The following APTX variants were observed in gnomAD, a reference collection of about 807,000 sequenced individuals.
APTX encodes forkhead-associated domain histidine triad-like protein.
Under a neutral mutation model 42.3 loss-of-function variants are expected in APTX, and 33 were observed. The observed-to-expected ratio is 0.78, with a 90% CI of 0.59 to 1.04. The LOEUF is 1.04. Ranked by LOEUF, APTX falls within the 50% of genes least tolerant of loss-of-function variation. The probability of loss-of-function intolerance (pLI) is 0.00; values close to 1 mark genes in which losing one functional copy is unlikely to be tolerated. For missense variants in APTX, 421 were observed against 415.1 expected, an observed-to-expected ratio of 1.01 and a Z score of -0.12; for synonymous variants, 130 against 146.7, an observed-to-expected ratio of 0.89 and a Z score of 0.82.
At chr9:33,011,856 C>G (rs1001762558) in intron 1 of APTX, among the ~76,000 whole-genome samples, 2 of 152,194 alleles carry the variant, frequency 1.3e-5, no homozygotes, top group African/African-American at 4.8e-5. Context: ...CCTGAACCTG[C>G]AGTCTCCTTA....
chr9:33,022,670 C>G (rs888075213), intron 1 of APTX, among the ~76,000 whole-genome samples: 2 of 152,132 alleles, frequency 1.3e-5, no homozygotes, highest in Non-Finnish European at 2.9e-5. Flanking sequence ...TTAAAAATAA[C>G]AAGGCAGATT....
Position 32,988,176 on chromosome 9 carries a change from G to A in APTX, c.134-47C>T, listed in dbSNP as rs1230920472. 3.2e-6 allele frequency: 5 copies of A among 1,559,378 alleles called. No homozygotes were observed. In the African/African-American group the frequency reaches 4.1e-5, roughly 13 times the overall value. ...TAAACACAAATGCAACAAAGAACCA[G>A]GCACTTGCTCCTATCTTCCCTAAAG... On this transcript the variant is annotated intron_variant, in intron 2 of 7. Transcript: ENST00000379817.
chr9:32,998,505 T>A (rs766437411), intron 1 of APTX, among the ~76,000 whole-genome samples: 1 of 151,916 alleles, frequency 6.6e-6, no homozygotes, highest in Non-Finnish European at 1.5e-5. Flanking sequence ...ATAAAGAAAA[T>A]GTGGCACATA....
At chr9:32,995,129 G>A (rs1355884053) in intron 1 of APTX, among the ~76,000 whole-genome samples, 1 of 152,178 alleles carries the variant, frequency 6.6e-6, no homozygotes, top group East Asian at 1.9e-4. Context: ...CATCCATTCT[G>A]CAGCCCATGG....
intron 6 of APTX, among the ~76,000 whole-genome samples, chr9:32,976,357 A>G (rs1829414855): frequency 2.6e-5 from 4 of 152,142 alleles, no homozygotes; most frequent in African/African-American, 9.7e-5. Flanking sequence ...GTGCACATGG[A>G]CCCTAGAACT....
chr9:33,002,253 G>C (rs1339770535), upstream of APTX, among the ~76,000 whole-genome samples: 1 of 152,092 alleles, frequency 6.6e-6, no homozygotes, highest in African/African-American at 2.4e-5. Context: ...TCCCTATCTC[G>C]GAGGTAAAAG....
upstream of APTX, among the ~76,000 whole-genome samples, chr9:33,002,977 G>A (rs1836804776): frequency 6.6e-6 from 1 of 152,220 alleles, no homozygotes; most frequent in Non-Finnish European, 1.5e-5. Context: ...ATATAAGGAA[G>A]TGGGAAAACA....
rs763140808 is a variant in APTX, at chr9:32,986,143, C to T, written c.484-113G>A. On this transcript the variant is annotated intron_variant, in intron 4 of 7. Transcript: ENST00000379817. ...AATACTGTGTGATAGCACAACTAAA[C>T]TTGGAAATAAGCTTAGTTTTTGAGA... is the stretch of plus-strand genomic sequence containing the variant. The T allele has an allele frequency of 9.1e-6, 9 of 991,686 alleles. 1 individual carries two copies. In the African/African-American group the frequency reaches 1.3e-4, roughly 14 times the overall value. 61.4% of individuals were successfully genotyped at this position (991,686 alleles called of 1,614,324 possible).
intron 1 of APTX, among the ~76,000 whole-genome samples, chr9:33,007,975 T>G (rs1324884403): frequency 6.6e-6 from 1 of 152,142 alleles, no homozygotes; most frequent in Non-Finnish European, 1.5e-5. Flanking sequence ...CTTGAGATCA[T>G]CTCCAAAGTA....
intron 1 of APTX, among the ~76,000 whole-genome samples, chr9:32,998,181 G>A (rs2119060037): frequency 6.6e-6 from 1 of 152,302 alleles, no homozygotes; most frequent in Non-Finnish European, 1.5e-5. Flanking sequence ...CTGTCCAGGA[G>A]GATAGTCAGA....
At chr9:33,014,193 A>T (rs1419003706) in intron 1 of APTX, among the ~76,000 whole-genome samples, 1 of 152,204 alleles carries the variant, frequency 6.6e-6, no homozygotes, top group African/African-American at 2.4e-5. Flanking sequence ...TGGATGTAGG[A>T]GTCTAAGCCA....
chr9:32,973,588 C>T lies in APTX; in HGVS notation c.939G>A (p.Leu313=), dbSNP rs746837337. The T allele has an allele frequency of 3.7e-6, 6 of 1,613,682 alleles. No individual in the cohort carries two copies. Among genetic ancestry groups the T allele is most frequent in the Non-Finnish European group, 5.1e-6 (6 of 1,179,938 alleles). The part of the protein sequence containing the change: ...VTVRDGMPEL[L]KLPLRCHECQ... ...ACTCATGACAACGAAGGGGCAGCTTCAAGAGCTCAGGCATCCCATCTCGGA... is the reference window on the plus strand; with the variant it reads ...ACTCATGACAACGAAGGGGCAGCTTTAAGAGCTCAGGCATCCCATCTCGGA... Residue 313 remains leucine (L), a synonymous_variant, in exon 8 of 8, where the codon TTG becomes TTA. Transcript: ENST00000379817.
Position 32,987,792 on chromosome 9 carries a change from C to A in APTX, c.235G>T (p.Val79Leu). 6.2e-7 allele frequency: 1 copy of A among 1,614,080 alleles called. No individual in the cohort carries two copies. The highest frequency in any genetic ancestry group is 8.5e-7 in the Non-Finnish European group (1 of 1,180,038). Residue 79 changes from valine (V) to leucine (L), a missense_variant, in exon 4 of 8, where the codon GTG becomes TTG. Transcript: ENST00000379817. ...AGAACCTGGCCAGGCTGCAGCTTCA[C>A]CTCTTGGTCCTTCCCAATTACGACT... ...DSVVIGKDQE[V>L]KLQPGQVLHM...
intron 1 of APTX, among the ~76,000 whole-genome samples, chr9:33,022,216 C>T (rs1183899550): frequency 6.6e-6 from 1 of 152,082 alleles, no homozygotes; most frequent in East Asian, 1.9e-4. Flanking sequence ...AGACTAATAT[C>T]TACCCCTAAA....
intron 6 of APTX, among the ~76,000 whole-genome samples, chr9:32,976,800 T>TAA (rs1829534202): frequency 6.6e-6 from 1 of 152,230 alleles, no homozygotes; most frequent in African/African-American, 2.4e-5. Context: ...TAAAATCTAT[T>TAA]AAGTACAATA....
chr9:33,021,683 G>A (rs1241973371), intron 1 of APTX, among the ~76,000 whole-genome samples: 4 of 152,060 alleles, frequency 2.6e-5, no homozygotes, highest in South Asian at 2.1e-4. Context: ...AGGTTGGGGG[G>A]CGGATTTCAC....
chr9:32,981,864 CAT>C (rs1017932760), intron 6 of APTX, among the ~76,000 whole-genome samples: 4 of 151,830 alleles, frequency 2.6e-5, no homozygotes, highest in African/African-American at 9.7e-5. Flanking sequence ...ATAAAGTCAC[CAT>C]AGAGTAAATA....
In APTX at chr9:32,973,630, C is replaced by A; in HGVS notation, c.897G>T (p.Glu299Asp). 1 of 1,613,680 alleles carries A rather than the reference C, an allele frequency of 6.2e-7. No individual in the cohort carries two copies. Among genetic ancestry groups the A allele is most frequent in the Non-Finnish European group, 8.5e-7 (1 of 1,179,950 alleles). Residue 299 changes from glutamate (E) to aspartate (D), a missense_variant, in exon 8 of 8, where the codon GAG becomes GAT. Coordinates refer to ENST00000379817, the MANE Select transcript of APTX (RefSeq NM_001195248.2). ...ESQAVIEMVQEAGRVTVRDGM... is the reference protein window; with the variant it reads ...ESQAVIEMVQDAGRVTVRDGM... ...CATCTCGGACAGTTACTCTACCAGC[C>A]TCTTGTACCATCTCGATCACAGCTG...
At position 32,986,032 on chromosome 9, in the gene APTX, T is replaced by TAAAAAAAAAAAAAAAAAA. The variant is rs373304582; in HGVS notation, c.484-3_484-2insTTTTTTTTTTTTTTTTTT. The TAAAAAAAAAAAAAAAAAA allele has an allele frequency of 9.5e-6, 7 of 733,300 alleles. No homozygotes were observed. The African/African-American group carries it at 1.5e-4, about 15-fold the overall frequency. 45.4% of individuals were successfully genotyped at this position (733,300 alleles called of 1,614,324 possible). On this transcript the variant is annotated splice_polypyrimidine_tract_variant and splice_region_variant and intron_variant, in intron 4 of 7. Coordinates refer to ENST00000379817, the MANE Select transcript of APTX (RefSeq NM_001195248.2). Reference sequence around the variant, plus strand: ...TTGACTCCAGTGGCCCAGGGATTCCTAAAAAAAAAACAAAAAAAAAAACAA... The same window carrying TAAAAAAAAAAAAAAAAAA: ...TTGACTCCAGTGGCCCAGGGATTCCTAAAAAAAAAAAAAAAAAAAAAAAAAAAACAAAAAAAAAAACAA...
Sources: gnomAD v4.1 joint callset for allele counts (sites outside exome capture counted in the v4.1 genomes callset) on GRCh38, gnomAD v4.1.1 for gene constraint, MANE v1.5 for transcripts, NCBI Gene and HGNC (gene_info 2026-07-23, HGNC 2026-07-21) for gene names.